Variants in RNLS observed in about 807,000 individuals in gnomAD.
RNLS encodes the protein renalase.
In RNLS, 39 loss-of-function variants were observed where a neutral mutation model predicts 39.8. That is an observed-to-expected ratio of 0.98 (90% CI 0.76 to 1.28). The LOEUF (loss-of-function observed/expected upper bound fraction) is 1.28, where lower values mean the gene tolerates loss of function less well. RNLS is among the 50% of genes most tolerant of loss of function. The pLI, the probability that RNLS is intolerant of heterozygous loss-of-function variation, is 0.00. For synonymous variants in RNLS, 147 were observed against 150.7 expected, an observed-to-expected ratio of 0.98 and a Z score of 0.18; for missense variants, 410 against 413.3, an observed-to-expected ratio of 0.99 and a Z score of 0.07.
At chr10:88,227,129 A>G in the RNLS span, among the ~76,000 whole-genome samples, 1 of 152,194 alleles carries the variant, frequency 6.6e-6, no homozygotes, top group Non-Finnish European at 1.5e-5. Flanking sequence ...GGCCCAAAAA[A>G]GACTGAAATG....
intron 4 of RNLS, among the ~76,000 whole-genome samples, chr10:88,389,901 G>A (rs1852094629): frequency 6.6e-6 from 1 of 152,092 alleles, no homozygotes; most frequent in South Asian, 2.1e-4. Context: ...AGGGCCAGAA[G>A]CCACAGCATT....
At chr10:88,260,368 A>G in the RNLS span, among the ~76,000 whole-genome samples, 1 of 152,262 alleles carries the variant, frequency 6.6e-6, no homozygotes, top group Non-Finnish European at 1.5e-5. Flanking sequence ...AGTAGACAAT[A>G]GTGTCAAGGG....
At chr10:88,579,898 A>C (rs76261631) in intron 3 of RNLS, among the ~76,000 whole-genome samples, 3,983 of 152,272 alleles carry the variant, frequency 0.026, 78 homozygotes, top group Middle Eastern at 0.048. Context: ...GCCCTCCCTA[A>C]TGTGGGTAGG....
At chr10:88,258,953 C>A in the RNLS span, among the ~76,000 whole-genome samples, 1 of 152,138 alleles carries the variant, frequency 6.6e-6, no homozygotes, top group South Asian at 2.1e-4. Flanking sequence ...AGCTCAAATC[C>A]CTGAAGCTAA....
chr10:88,444,655 C>T (rs937925274), intron 4 of RNLS, among the ~76,000 whole-genome samples: 10 of 152,020 alleles, frequency 6.6e-5, no homozygotes, highest in African/African-American at 1.2e-4. Flanking sequence ...AACCATGGCA[C>T]GAGAACTACA....
At chr10:88,368,597 C>T (rs927979666) in intron 4 of RNLS, among the ~76,000 whole-genome samples, 3 of 151,950 alleles carry the variant, frequency 2.0e-5, no homozygotes, top group Admixed American at 1.3e-4. Context: ...TATAATTTTG[C>T]GTACCGAATT....
chr10:88,251,292 T>C, the RNLS span, among the ~76,000 whole-genome samples: 3 of 152,232 alleles, frequency 2.0e-5, no homozygotes, highest in Non-Finnish European at 4.4e-5. Flanking sequence ...ACACAATGCC[T>C]GGCACCAGGA....
At chr10:88,382,673 G>A (rs1452771836) in intron 4 of RNLS, among the ~76,000 whole-genome samples, 1 of 152,056 alleles carries the variant, frequency 6.6e-6, no homozygotes. Context: ...GGAAGCAATG[G>A]CAATTGTTGA....
Position 88,420,698 on chromosome 10 carries a change from T to A in RNLS, c.527-57973A>T, listed in dbSNP as rs762220936. On this transcript the variant is annotated intron_variant, in intron 4 of 6. Transcript: ENST00000331772. ...ACTTAATTACATCTGCTAAGACAATTTTTCCAAATAAGATAACATTTACAG... is the reference window on the plus strand; with the variant it reads ...ACTTAATTACATCTGCTAAGACAATATTTCCAAATAAGATAACATTTACAG... Among the ~76,000 whole-genome samples, 18 of 152,208 alleles carry A rather than the reference T, an allele frequency of 1.2e-4. 1 individual carries two copies. The highest frequency in any genetic ancestry group is 1.8e-4 in the Non-Finnish European group (12 of 68,024).
intron 4 of RNLS, among the ~76,000 whole-genome samples, chr10:88,424,589 A>G (rs2133776742): frequency 6.6e-6 from 1 of 152,286 alleles, no homozygotes; most frequent in Admixed American, 6.5e-5. Flanking sequence ...AAAGTGTTCT[A>G]TCACATCTAA....
At chr10:88,563,407 G>A (rs1849302982) in intron 4 of RNLS, among the ~76,000 whole-genome samples, 1 of 151,970 alleles carries the variant, frequency 6.6e-6, no homozygotes, top group Non-Finnish European at 1.5e-5. Flanking sequence ...CCATCAAACT[G>A]GTTTACTACA....
intron 4 of RNLS, among the ~76,000 whole-genome samples, chr10:88,414,243 T>TAAA (rs34491405): frequency 6.8e-6 from 1 of 146,878 alleles, no homozygotes; most frequent in African/African-American, 2.5e-5. Flanking sequence ...AAAAAAGTGG[T>TAAA]AAAAAAAAAA....
chr10:88,295,838 A>G (rs1844054367), intron 6 of RNLS, among the ~76,000 whole-genome samples: 1 of 152,112 alleles, frequency 6.6e-6, no homozygotes, highest in South Asian at 2.1e-4. Context: ...GTCTACATTG[A>G]CTCTATTTAG....
chr10:88,210,251 T>C, the RNLS span, among the ~76,000 whole-genome samples: 2 of 152,184 alleles, frequency 1.3e-5, no homozygotes, highest in Admixed American at 6.5e-5. Context: ...ATACAGAGTT[T>C]AAGAAGCTGT....
chr10:88,286,455 G>C (rs551987572), intron 6 of RNLS, among the ~76,000 whole-genome samples: 1 of 152,204 alleles, frequency 6.6e-6, no homozygotes, highest in South Asian at 2.1e-4. Flanking sequence ...GAGAATGAGT[G>C]GGAGGTGAAT....
chr10:88,434,508 TACATGAC>T (rs1855339981), intron 4 of RNLS, among the ~76,000 whole-genome samples: 1 of 152,212 alleles, frequency 6.6e-6, no homozygotes, highest in Non-Finnish European at 1.5e-5. Flanking sequence ...AAATATTTGC[TACATGAC>T]ACTATTAAAT....
intron 5 of RNLS, among the ~76,000 whole-genome samples, chr10:88,334,373 C>T (rs1039235653): frequency 6.6e-6 from 1 of 152,174 alleles, no homozygotes; most frequent in Non-Finnish European, 1.5e-5. Flanking sequence ...TCTTGCCCCA[C>T]TAGAAACAAC....
the RNLS span, among the ~76,000 whole-genome samples, chr10:88,200,523 C>T: frequency 6.6e-6 from 1 of 152,198 alleles, no homozygotes; most frequent in African/African-American, 2.4e-5. Flanking sequence ...TGCTGTAGTG[C>T]TTTGTATCTA....
At chr10:88,225,586 C>T in the RNLS span, among the ~76,000 whole-genome samples, 5 of 152,032 alleles carry the variant, frequency 3.3e-5, no homozygotes, top group African/African-American at 1.2e-4. Flanking sequence ...TGGTGGCAGG[C>T]ATCTGTACTC....
Sources: gnomAD v4.1 joint callset for allele counts (sites outside exome capture counted in the v4.1 genomes callset) on GRCh38, gnomAD v4.1.1 for gene constraint, MANE v1.5 for transcripts, NCBI Gene and HGNC (gene_info 2026-07-23, HGNC 2026-07-21) for gene names.